Variants in WWOX observed in about 807,000 individuals in gnomAD.
The protein encoded by WWOX is WW domain-containing oxidoreductase.
In WWOX, 69 loss-of-function variants were observed where a neutral mutation model predicts 46.2. That is an observed-to-expected ratio of 1.49 (90% CI 1.23 to 1.82). The LOEUF is 1.82. WWOX is among the 40% of genes most tolerant of loss of function. The probability of loss-of-function intolerance (pLI) is 0.00; values close to 1 mark genes in which losing one functional copy is unlikely to be tolerated. For missense variants in WWOX, 919 were observed against 542.6 expected (o/e 1.69, Z -6.89); for synonymous variants, 359 against 202.6 (o/e 1.77, Z -6.56).
chr16:79,094,403 C>T (rs1037274932), intron 8 of WWOX, among the ~76,000 whole-genome samples: 5 of 152,042 alleles, frequency 3.3e-5, no homozygotes, highest in African/African-American at 4.8e-5. Flanking sequence ...GCGCCCGCCA[C>T]CATGTCCAGC....
chr16:79,022,004 G>C (rs1299138479), intron 8 of WWOX, among the ~76,000 whole-genome samples: 2 of 152,328 alleles, frequency 1.3e-5, no homozygotes, highest in East Asian at 3.9e-4. Context: ...ATAAATGATA[G>C]GGATTGATAT....
At chr16:78,255,852 A>G (rs758527126) in intron 5 of WWOX, among the ~76,000 whole-genome samples, 2 of 152,178 alleles carry the variant, frequency 1.3e-5, no homozygotes, top group Non-Finnish European at 1.5e-5. Flanking sequence ...CAAAGAAAGG[A>G]GTAAATCACG....
intron 8 of WWOX, among the ~76,000 whole-genome samples, chr16:78,884,924 C>G (rs893047166): frequency 6.6e-6 from 1 of 152,162 alleles, no homozygotes; most frequent in East Asian, 1.9e-4. Flanking sequence ...TATTCTTCTG[C>G]TTTTCCCATC....
At chr16:79,175,418 C>G (rs1255630888) in intron 8 of WWOX, among the ~76,000 whole-genome samples, 2 of 152,168 alleles carry the variant, frequency 1.3e-5, no homozygotes, top group African/African-American at 4.8e-5. Context: ...CACATGGCCA[C>G]CAGGTCGGCC....
chr16:78,819,813 T>C (rs2051443223), intron 8 of WWOX, among the ~76,000 whole-genome samples: 1 of 152,216 alleles, frequency 6.6e-6, no homozygotes, highest in Non-Finnish European at 1.5e-5. Flanking sequence ...GCAATATCTC[T>C]GATGGTTAAG....
intron 8 of WWOX, among the ~76,000 whole-genome samples, chr16:78,728,344 A>C (rs7193634): frequency 6.6e-6 from 1 of 151,926 alleles, no homozygotes; most frequent in Non-Finnish European, 1.5e-5. Flanking sequence ...TGCTAGGATG[A>C]TGATAGGCAG....
At chr16:78,647,638 C>T (rs560971119) in intron 8 of WWOX, among the ~76,000 whole-genome samples, 62 of 152,356 alleles carry the variant, frequency 4.1e-4, no homozygotes, top group African/African-American at 1.3e-3. Context: ...TGAGGGCATA[C>T]TGAGTGCTGA....
chr16:78,803,445 G>A (rs1457260573), intron 8 of WWOX, among the ~76,000 whole-genome samples: 1 of 151,968 alleles, frequency 6.6e-6, no homozygotes, highest in East Asian at 1.9e-4. Flanking sequence ...GGGTTTCAAA[G>A]GTACTCTTTT....
intron 8 of WWOX, among the ~76,000 whole-genome samples, chr16:79,131,125 G>A (rs1487106138): frequency 3.3e-5 from 5 of 152,112 alleles, no homozygotes; most frequent in Admixed American, 3.3e-4. Flanking sequence ...ACTCCATGCT[G>A]CCCCTGCCTC....
chr16:78,600,653 G>A (rs531205152), intron 8 of WWOX, among the ~76,000 whole-genome samples: 77 of 152,194 alleles, frequency 5.1e-4, no homozygotes, highest in Non-Finnish European at 9.3e-4. Flanking sequence ...TAATCTTCTG[G>A]ATTCTTCAGG....
At chr16:79,097,020 A>G (rs1319491683) in intron 8 of WWOX, among the ~76,000 whole-genome samples, 1 of 152,108 alleles carries the variant, frequency 6.6e-6, no homozygotes, top group Non-Finnish European at 1.5e-5. Flanking sequence ...TCTGTGGCAT[A>G]GAAGGCATAG....
chr16:78,774,031 A>G (rs1032296346), intron 8 of WWOX, among the ~76,000 whole-genome samples: 2 of 152,212 alleles, frequency 1.3e-5, no homozygotes, highest in Admixed American at 1.3e-4. Flanking sequence ...GTGTCCACAC[A>G]TCAACTTAAT....
chr16:78,812,154 A>G (rs763459280), intron 8 of WWOX, among the ~76,000 whole-genome samples: 7 of 152,068 alleles, frequency 4.6e-5, no homozygotes, highest in African/African-American at 9.7e-5. Context: ...ATGCATGGCA[A>G]TGCATAGGAA....
At chr16:78,396,578 A>G (rs536726488) in intron 6 of WWOX, among the ~76,000 whole-genome samples, 48 of 152,302 alleles carry the variant, frequency 3.2e-4, no homozygotes, top group Middle Eastern at 3.4e-3. Flanking sequence ...ACTCCTCACA[A>G]TCCCACCAGT....
Position 78,573,544 on chromosome 16 carries a change from C to G in WWOX, c.1056+140792C>G, listed in dbSNP as rs553005459. ...CATCACTCCTCTGCTCAAAAACATT[C>G]AGTGGCTCCCTGGGCCCTCTGGGAC... is the stretch of plus-strand genomic sequence containing the variant. On this transcript the variant is annotated intron_variant, in intron 8 of 8. Coordinates refer to ENST00000566780, the MANE Select transcript of WWOX (RefSeq NM_016373.4). Among the ~76,000 whole-genome samples, 62 of 152,330 alleles carry G rather than the reference C, an allele frequency of 4.1e-4. No homozygotes were observed. The South Asian group carries it at 0.013, about 32-fold the overall frequency.
intron 7 of WWOX, among the ~76,000 whole-genome samples, chr16:78,432,223 T>C (rs1337137196): frequency 6.6e-6 from 1 of 151,966 alleles, no homozygotes; most frequent in Non-Finnish European, 1.5e-5. Context: ...GTTTCAGTGA[T>C]TCTCTTGCTT....
At chr16:79,170,067 G>C (rs146209849) in intron 8 of WWOX, among the ~76,000 whole-genome samples, 183 of 152,258 alleles carry the variant, frequency 1.2e-3, no homozygotes, top group African/African-American at 4.2e-3. Context: ...GCTCAAACAA[G>C]TTAGGATCTC....
intron 8 of WWOX, among the ~76,000 whole-genome samples, chr16:78,650,441 G>A (rs1230170620): frequency 6.6e-6 from 1 of 152,092 alleles, no homozygotes; most frequent in Non-Finnish European, 1.5e-5. Flanking sequence ...CGTGTGCCTT[G>A]CTTCCTAGGC....
chr16:78,364,444 T>G (rs1038529250), intron 5 of WWOX, among the ~76,000 whole-genome samples: 5 of 117,312 alleles, frequency 4.3e-5, no homozygotes, highest in Non-Finnish European at 8.4e-5. Context: ...TGCATGTAGC[T>G]TTTCCAGGAG....
Sources: gnomAD v4.1 joint callset for allele counts (sites outside exome capture counted in the v4.1 genomes callset) on GRCh38, gnomAD v4.1.1 for gene constraint, MANE v1.5 for transcripts, NCBI Gene and HGNC (gene_info 2026-07-23, HGNC 2026-07-21) for gene names.